The following HMGXB4 variants were observed in gnomAD, a reference collection of about 807,000 sequenced individuals.
The protein encoded by HMGXB4 is HMG domain-containing protein 4.
A neutral mutation model predicts 63.9 loss-of-function variants in HMGXB4; 27 were observed. That is an observed-to-expected ratio of 0.42 (90% CI 0.31 to 0.58). The LOEUF (loss-of-function observed/expected upper bound fraction) is 0.58, where lower values mean the gene tolerates loss of function less well. Ranked by LOEUF, HMGXB4 falls within the 20% of genes least tolerant of loss-of-function variation. HMGXB4 has a pLI of 0.13. For missense variants in HMGXB4, 624 were observed against 700.7 expected (o/e 0.89, Z 1.24); for synonymous variants, 264 against 265.3 (o/e 0.99, Z 0.05).
intron 5 of HMGXB4, among the ~76,000 whole-genome samples, chr22:35,267,170 T>C (rs530771660): frequency 1.5e-5 from 2 of 137,126 alleles, no homozygotes; most frequent in African/African-American, 5.2e-5. Flanking sequence ...TATAAAATAA[T>C]ATATTATATA....
chr22:35,279,699 T>TTTTTTTTG (rs144948164), intron 5 of HMGXB4, among the ~76,000 whole-genome samples: 2 of 108,152 alleles, frequency 1.8e-5, no homozygotes, highest in African/African-American at 2.9e-5. Context: ...TTTTTTTTTT[T>TTTTTTTTG]GGCATGTGGA....
At chr22:35,251,610 G>A in the HMGXB4 span, among the ~76,000 whole-genome samples, 1 of 152,232 alleles carries the variant, frequency 6.6e-6, no homozygotes, top group South Asian at 2.1e-4. Context: ...TGCAGTAATA[G>A]ATACATGTTA....
At chr22:35,273,645 AC>A (rs1923737919) in intron 5 of HMGXB4, among the ~76,000 whole-genome samples, 1 of 152,208 alleles carries the variant, frequency 6.6e-6, no homozygotes, top group Admixed American at 6.5e-5. Context: ...AAGCAAGGAG[AC>A]TATGTTTTAT....
In HMGXB4 at chr22:35,265,229, A is replaced by G. The variant is rs759249598; in HGVS notation, c.841A>G (p.Asn281Asp). 1.4e-5 allele frequency: 23 copies of G among 1,614,020 alleles called. No homozygotes were observed. The African/African-American group carries it at 2.5e-4, about 18-fold the overall frequency. ...ASQFAESHSA[N>D]LDLSGLEPIL... ...CCAGTTCGCAGAGTCCCACAGTGCT[A>G]ACCTTGATCTTTCAGGGCTTGAACC... Residue 281 changes from asparagine to aspartate, a missense_variant, in exon 5 of 11, where the codon AAC (asparagine) becomes GAC (aspartate). This residue lies in a region of HMGXB4 where 472 missense variants were observed against 470.6 expected (regional missense o/e 1.00). Coordinates refer to ENST00000216106, the MANE Select transcript of HMGXB4 (RefSeq NM_001003681.3).
chr22:35,272,875 A>G (rs1249861455), intron 5 of HMGXB4, among the ~76,000 whole-genome samples: 5 of 152,358 alleles, frequency 3.3e-5, no homozygotes, highest in Non-Finnish European at 7.4e-5. Flanking sequence ...CGGAGGTTGC[A>G]GTGAGCCAAG....
intron 9 of HMGXB4, among the ~76,000 whole-genome samples, chr22:35,292,296 C>T (rs1387420567): frequency 1.3e-5 from 2 of 152,132 alleles, no homozygotes; most frequent in Non-Finnish European, 2.9e-5. Context: ...AGGTACAAAA[C>T]AGTGAGTAGT....
At chr22:35,262,144 A>G (rs1193926915) in intron 1 of HMGXB4, 179 bp from the exon 2 acceptor site, 1 of 497,470 alleles carries the variant, frequency 2.0e-6, no homozygotes, top group Middle Eastern at 5.4e-4. Flanking sequence ...TAAGCCTAGT[A>G]TACTTCCTGC....
intron 5 of HMGXB4, among the ~76,000 whole-genome samples, chr22:35,275,875 A>G (rs1288549842): frequency 6.6e-6 from 1 of 152,258 alleles, no homozygotes; most frequent in Non-Finnish European, 1.5e-5. Context: ...GTAATTTGCT[A>G]CTAATAATAA....
chr22:35,291,484 G>A (rs533196896), intron 9 of HMGXB4, among the ~76,000 whole-genome samples: 43 of 152,226 alleles, frequency 2.8e-4, no homozygotes, highest in Admixed American at 6.5e-4. Context: ...TTTTAGATTG[G>A]AAGTGAAAAG....
the HMGXB4 span, among the ~76,000 whole-genome samples, chr22:35,242,164 C>G: frequency 6.6e-6 from 1 of 152,098 alleles, no homozygotes; most frequent in Non-Finnish European, 1.5e-5. Flanking sequence ...AATTCTCTGG[C>G]AAAATCATCT....
chr22:35,263,756 CTCA>C (rs1365149178), intron 3 of HMGXB4, 37 bp from the exon 4 acceptor site: 1 of 1,406,628 alleles, frequency 7.1e-7, no homozygotes, highest in East Asian at 2.3e-5. Flanking sequence ...CTGCATTTGC[CTCA>C]TCATCTTATT....
At chr22:35,241,892 C>T in the HMGXB4 span, among the ~76,000 whole-genome samples, 1 of 152,164 alleles carries the variant, frequency 6.6e-6, no homozygotes, top group South Asian at 2.1e-4. Context: ...ATGCAAGCCT[C>T]AGCACGCTGC....
rs1327500614 is a variant in HMGXB4, at chr22:35,294,833, C to T, written c.*1182C>T. ...TCCTTCCTTCCCTGTTTCCTTCCCT[C>T]TTTCCTTCCTTCCTCCTGGTCTGTT... On this transcript the variant is annotated 3_prime_UTR_variant, in exon 11 of 11. Coordinates refer to ENST00000216106, the MANE Select transcript of HMGXB4 (RefSeq NM_001003681.3). 6.6e-6 allele frequency: 1 copy of T among 152,138 alleles called. No individual in the cohort carries two copies. The highest frequency in any genetic ancestry group is 2.4e-5 in the African/African-American group (1 of 41,432). 9.4% of individuals were successfully genotyped at this position (152,138 alleles called of 1,614,324 possible). A position where few individuals can be genotyped will look rare whatever the true frequency, so the allele number is the denominator to read the frequency against.
intron 5 of HMGXB4, among the ~76,000 whole-genome samples, chr22:35,272,428 T>G (rs1258074367): frequency 6.6e-6 from 1 of 152,088 alleles, no homozygotes; most frequent in African/African-American, 2.4e-5. Flanking sequence ...TTGGAGGTGG[T>G]TTTTGTTTGG....
In HMGXB4 at chr22:35,264,908, CCTCT is replaced by C. The variant is rs779962986; in HGVS notation, c.523_526del (p.Leu175MetfsTer2). 6.2e-7 allele frequency: 1 copy of C among 1,614,054 alleles called. No individual in the cohort carries two copies. Among genetic ancestry groups the C allele is most frequent in the Non-Finnish European group, 8.5e-7 (1 of 1,180,006 alleles). On this transcript the variant is annotated frameshift_variant, in exon 5 of 11. Coordinates refer to ENST00000216106, the MANE Select transcript of HMGXB4 (RefSeq NM_001003681.3). LOFTEE classifies it high-confidence loss of function. ...CTCCCACAAATCGAAAAAAATGAAA[CCTCT>C]CTATGTGAACACAGAGACACTGACC...
At chr22:35,288,470 T>A (rs1924728816) in intron 9 of HMGXB4, 63 bp downstream of exon 9, 2 of 1,312,826 alleles carry the variant, frequency 1.5e-6, no homozygotes, top group Non-Finnish European at 2.0e-6. Context: ...TAATTTTGAT[T>A]CATTCACTCA....
the HMGXB4 span, among the ~76,000 whole-genome samples, chr22:35,243,840 G>A: frequency 2.9e-4 from 44 of 152,270 alleles, no homozygotes; most frequent in African/African-American, 9.9e-4. Context: ...CACCATGCCT[G>A]GCCAACAGTT....
intron 5 of HMGXB4, among the ~76,000 whole-genome samples, chr22:35,267,574 A>G (rs185512946): frequency 7.1e-4 from 108 of 152,150 alleles, no homozygotes; most frequent in Admixed American, 2.0e-3. Context: ...AAATATTTCT[A>G]CTTGAATGCC....
intron 7 of HMGXB4, among the ~76,000 whole-genome samples, chr22:35,286,600 A>G (rs1924591944): frequency 6.6e-6 from 1 of 152,228 alleles, no homozygotes. Flanking sequence ...CTGTAGTTCC[A>G]GCACTTTGGG....
Sources: gnomAD v4.1 joint callset for allele counts (sites outside exome capture counted in the v4.1 genomes callset) on GRCh38, gnomAD v4.1.1 for gene constraint, gnomAD v4.1.1 regional missense constraint, MANE v1.5 for transcripts, NCBI Gene and HGNC (gene_info 2026-07-23, HGNC 2026-07-21) for gene names.